Variants in KLC1 observed in about 807,000 individuals in gnomAD.
KLC1 encodes the protein kinesin light chain 1.
In KLC1, 30 loss-of-function variants were observed where a neutral mutation model predicts 84.2. The ratio of observed to expected loss-of-function variants is 0.36; its 90% CI spans 0.27 to 0.48. The LOEUF (loss-of-function observed/expected upper bound fraction) is 0.48. Ranked by LOEUF, KLC1 falls within the 20% of genes least tolerant of loss-of-function variation. The pLI, the probability that KLC1 is intolerant of heterozygous loss-of-function variation, is 0.99. For missense variants in KLC1, 499 were observed against 805.4 expected (o/e 0.62, Z 4.60); for synonymous variants, 289 against 293.3 (o/e 0.99, Z 0.15).
intron 1 of KLC1, among the ~76,000 whole-genome samples, chr14:103,649,562 C>CAAAAAAA (rs35297746): frequency 5.3e-5 from 4 of 75,764 alleles, no homozygotes; most frequent in African/African-American, 1.1e-4. Context: ...GACCTCATCT[C>CAAAAAAA]AAAAAAAAAA....
At chr14:103,634,830 C>T (rs957206116) in intron 1 of KLC1, among the ~76,000 whole-genome samples, 7 of 152,200 alleles carry the variant, frequency 4.6e-5, no homozygotes, top group African/African-American at 1.4e-4. Context: ...ATCTGCCTGC[C>T]GTGGCCTCCC....
chr14:103,675,681 T>C lies in KLC1; in HGVS notation c.1312-8T>C, dbSNP rs750098421. 4.5e-5 allele frequency: 72 copies of C among 1,612,366 alleles called. 1 individual carries two copies. In the South Asian group the frequency reaches 5.4e-4, roughly 12 times the overall value. On this transcript the variant is annotated splice_region_variant and splice_polypyrimidine_tract_variant and intron_variant, in intron 10 of 16. Coordinates refer to ENST00000334553, the MANE Select transcript of KLC1 (RefSeq NM_001394837.1). Reference sequence around the variant, plus strand: ...ATTATTCATTTGAAATTATTTCTTATAATTTAGGGAAAGCAAAAGGATGGG... The same window carrying C: ...ATTATTCATTTGAAATTATTTCTTACAATTTAGGGAAAGCAAAAGGATGGG...
In KLC1 at chr14:103,677,249, A is replaced by C. The variant is rs552586109; in HGVS notation, c.1380-166A>C. 1.7e-3 allele frequency among the ~76,000 whole-genome samples: 261 copies of C among 152,238 alleles called. 2 individuals are homozygous for C. The highest frequency in any genetic ancestry group is 2.7e-3 in the Non-Finnish European group (186 of 68,008). ...GTCATGGGAGGTAGAGCTACCTGAG[A>C]GGGAAGAACGCTTTACAATTTTACA... is the stretch of plus-strand genomic sequence containing the variant. On this transcript the variant is annotated intron_variant, in intron 11 of 16. Transcript: ENST00000334553.
At chr14:103,638,601 A>G (rs1249953187) in intron 1 of KLC1, among the ~76,000 whole-genome samples, 5 of 151,174 alleles carry the variant, frequency 3.3e-5, no homozygotes, top group African/African-American at 7.3e-5. Context: ...CAGGGGAGGT[A>G]AAGTGACCAA....
rs1353220822 is a variant in KLC1, at chr14:103,673,403, A to C, written c.1233A>C (p.Ala411=). The C allele has an allele frequency of 1.2e-6, 2 of 1,608,348 alleles. No homozygotes were observed. Among genetic ancestry groups the C allele is most frequent in the Admixed American group, 1.7e-5 (1 of 58,860 alleles). The change falls in exon 9 of 17, where the codon GCA becomes GCC. Residue 411 remains alanine (A), a synonymous_variant. Transcript: ENST00000334553. ...TGTACAAAGAGATTCTCACTCGTGC[A>C]CATGAAAGGGAGTTTGGTTCTGTAG... ...ETLYKEILTR[A]HEREFGSVDD...
intron 1 of KLC1, among the ~76,000 whole-genome samples, chr14:103,644,528 G>A (rs1254253690): frequency 6.6e-6 from 1 of 152,070 alleles, no homozygotes; most frequent in Non-Finnish European, 1.5e-5. Context: ...CGAAGTGCTT[G>A]GACTAAGGCG....
intron 12 of KLC1, 144 bp downstream of exon 12, chr14:103,677,667 A>G (rs577512932): frequency 6.2e-6 from 4 of 643,554 alleles, no homozygotes; most frequent in African/African-American, 1.8e-5. Context: ...TATTGTTTAA[A>G]AGAGCATGAG....
rs1419776153 is a variant in KLC1, at chr14:103,687,311, C to T, written c.1781+100C>T. On this transcript the variant is annotated intron_variant, in intron 14 of 16. Transcript: ENST00000334553. ...CCTCACCCACAGACTTGAGGAAAGA[C>T]ACTCCAGTTGGTTCCCGTATTCTCA... 4.9e-6 allele frequency: 6 copies of T among 1,226,468 alleles called. No homozygotes were observed. In the East Asian group the frequency reaches 9.1e-5, roughly 19 times the overall value. 76.0% of individuals were successfully genotyped at this position (1,226,468 alleles called of 1,614,324 possible).
At chr14:103,689,997 T>C (rs2081998842) in intron 14 of KLC1, among the ~76,000 whole-genome samples, 1 of 152,098 alleles carries the variant, frequency 6.6e-6, no homozygotes, top group African/African-American at 2.4e-5. Flanking sequence ...CTGGCCATCA[T>C]GGCGAAACCC....
chr14:103,660,487 G>GAA (rs111860410), intron 3 of KLC1, among the ~76,000 whole-genome samples: 7,297 of 117,018 alleles, frequency 0.062, 272 homozygotes, highest in Middle Eastern at 0.11. Flanking sequence ...TCTCAAAAAA[G>GAA]AAAAAAAAAA....
chr14:103,631,007 A>T (rs900295101), intron 1 of KLC1, among the ~76,000 whole-genome samples: 2 of 152,076 alleles, frequency 1.3e-5, no homozygotes. Context: ...GCAAGGGGGG[A>T]GGGAATGACA....
chr14:103,695,895 A>G, intron 15 of KLC1: 1 of 985,356 alleles, frequency 1.0e-6, no homozygotes, highest in African/African-American at 1.7e-5. Flanking sequence ...TGAGTCCCCG[A>G]TGTTTGAACC....
chr14:103,670,548 G>GCTGGCCA (rs2080286525), intron 7 of KLC1, among the ~76,000 whole-genome samples: 1 of 151,846 alleles, frequency 6.6e-6, no homozygotes, highest in African/African-American at 2.4e-5. Context: ...TGTTGGCCAG[G>GCTGGCCA]ATGTTCTCAA....
chr14:103,645,506 T>C (rs777875268), intron 1 of KLC1, among the ~76,000 whole-genome samples: 9 of 152,304 alleles, frequency 5.9e-5, no homozygotes, highest in South Asian at 2.1e-4. Flanking sequence ...GTGTGTGTTA[T>C]GCTGAACGTT....
chr14:103,679,221 C>T (rs1445226607), intron 12 of KLC1, 163 bp from the exon 13 acceptor site: 24 of 857,268 alleles, frequency 2.8e-5, no homozygotes, highest in Non-Finnish European at 3.4e-5. Flanking sequence ...TCCAGTTCCC[C>T]GCCTCCACCC....
In KLC1 at chr14:103,673,196, A is replaced by C; in HGVS notation, c.1161+9A>C. The C allele has an allele frequency of 1.2e-6, 2 of 1,609,014 alleles. No homozygotes were observed. Among genetic ancestry groups the C allele is most frequent in the Non-Finnish European group, 1.7e-6 (2 of 1,177,716 alleles). On this transcript the variant is annotated intron_variant, in intron 8 of 16. Coordinates refer to ENST00000334553, the MANE Select transcript of KLC1 (RefSeq NM_001394837.1). ...AGACGAAAAATAACCTGGTGTGTTG[A>C]CTGCACAGCACTAGGGAGGGGGCCA...
In KLC1 at chr14:103,668,904, A is replaced by C. The variant is rs558862956; in HGVS notation, c.798-607A>C. Among the ~76,000 whole-genome samples, 147 of 151,754 alleles carry C rather than the reference A, an allele frequency of 9.7e-4. 3 individuals are homozygous for C. The East Asian group carries it at 0.02, about 21-fold the overall frequency. On this transcript the variant is annotated intron_variant, in intron 5 of 16. Transcript: ENST00000334553. ...GCCATTCTCCTGCCTCAGCCTCCCG[A>C]GTAGCTGGGACTAAAGCCGCCTGCT...
At chr14:103,664,353 T>C (rs773534761) in intron 5 of KLC1, among the ~76,000 whole-genome samples, 5 of 151,834 alleles carry the variant, frequency 3.3e-5, no homozygotes, top group African/African-American at 9.7e-5. Flanking sequence ...GGTTTCACCA[T>C]GTTGGCCAGG....
intron 13 of KLC1, chr14:103,683,000 C>G (rs955383956): frequency 2.0e-5 from 3 of 152,194 alleles, no homozygotes; most frequent in South Asian, 4.2e-4. Context: ...AAGTGACTGC[C>G]AGGAATGAAT....
Sources: gnomAD v4.1 joint callset for allele counts (sites outside exome capture counted in the v4.1 genomes callset) on GRCh38, gnomAD v4.1.1 for gene constraint, MANE v1.5 for transcripts, NCBI Gene and HGNC (gene_info 2026-07-23, HGNC 2026-07-21) for gene names.